The following DIP2C variants were observed in gnomAD, a reference collection of about 807,000 sequenced individuals.
The protein encoded by DIP2C is DIP2 acetate--CoA ligase C (putative), also known as disco-interacting protein 2 homolog C.
A neutral mutation model predicts 192.4 loss-of-function variants in DIP2C; 33 were observed. The ratio of observed to expected loss-of-function variants is 0.17; its 90% CI spans 0.13 to 0.23. The LOEUF is 0.23. DIP2C is among the 10% of genes least tolerant of loss of function. The pLI, the probability that DIP2C is intolerant of heterozygous loss-of-function variation, is 1.00. For missense variants in DIP2C, 1,537 were observed against 2,110.1 expected, an observed-to-expected ratio of 0.73 and a Z score of 5.32; for synonymous variants, 979 against 864.1, an observed-to-expected ratio of 1.13 and a Z score of -2.33.
chr10:387,005 A>G (rs1487879016), intron 14 of DIP2C, among the ~76,000 whole-genome samples: 1 of 152,132 alleles, frequency 6.6e-6, no homozygotes, highest in Non-Finnish European at 1.5e-5. Context: ...TACAACACAC[A>G]CAGACTGCCA....
intron 3 of DIP2C, among the ~76,000 whole-genome samples, chr10:468,372 G>T (rs964872517): frequency 1.3e-5 from 2 of 152,130 alleles, no homozygotes; most frequent in Admixed American, 6.5e-5. Context: ...GTTGCTCTGT[G>T]TTGGCTACAG....
rs908553940 is a variant in DIP2C at position 363,863 on chromosome 10, A to T, written c.2477+511T>A. Among the ~76,000 whole-genome samples, 3 of 152,206 alleles carry T rather than the reference A, an allele frequency of 2.0e-5. No individual in the cohort carries two copies. The highest frequency in any genetic ancestry group is 1.3e-4 in the Admixed American group (2 of 15,286). On this transcript the variant is annotated intron_variant, in intron 20 of 36. Coordinates refer to ENST00000280886, the MANE Select transcript of DIP2C (RefSeq NM_014974.3). This position sits in a 1 kb window ranked among gnomAD's most constrained non-coding sequence, Gnocchi z 5.4. ...TCCCATCAGCTTCCAAACTGAAAAAAGGCTCTAAAACACTTTATGACTTCC... is the reference window on the plus strand; with the variant it reads ...TCCCATCAGCTTCCAAACTGAAAAATGGCTCTAAAACACTTTATGACTTCC...
chr10:658,159 C>G (rs1201789226), intron 1 of DIP2C, among the ~76,000 whole-genome samples: 1 of 151,992 alleles, frequency 6.6e-6, no homozygotes, highest in African/African-American at 2.4e-5. Context: ...GACGCTGGAC[C>G]TGCCGCTGGA....
intron 1 of DIP2C, among the ~76,000 whole-genome samples, chr10:649,648 G>A (rs766502176): frequency 6.6e-6 from 1 of 152,238 alleles, no homozygotes; most frequent in Non-Finnish European, 1.5e-5. Flanking sequence ...ATTGGGGGAA[G>A]TCGGAAGTCA....
At chr10:331,834 A>G (rs947502399) in intron 29 of DIP2C, among the ~76,000 whole-genome samples, 3 of 152,092 alleles carry the variant, frequency 2.0e-5, no homozygotes, top group African/African-American at 7.2e-5. Flanking sequence ...TCGAATTTTT[A>G]CTCTGCTGTA....
chr10:625,276 G>T (rs1854126274), intron 1 of DIP2C, among the ~76,000 whole-genome samples: 1 of 152,180 alleles, frequency 6.6e-6, no homozygotes. Context: ...AGGGCAACGT[G>T]AAGTCCCATG....
At chr10:381,846 GCT>G in intron 17 of DIP2C, among the ~76,000 whole-genome samples, 1 of 152,290 alleles carries the variant, frequency 6.6e-6, no homozygotes, top group East Asian at 1.9e-4. Context: ...CCGTGGACAT[GCT>G]GCCCCAAGAG....
intron 1 of DIP2C, among the ~76,000 whole-genome samples, chr10:509,507 G>A (rs556929962): frequency 4.6e-5 from 7 of 152,156 alleles, no homozygotes; most frequent in Non-Finnish European, 1.0e-4. Context: ...GAGCAGAGCC[G>A]GCTTCCGCAG....
intron 3 of DIP2C, among the ~76,000 whole-genome samples, chr10:470,568 G>A (rs181600932): frequency 1.3e-5 from 2 of 152,296 alleles, no homozygotes; most frequent in East Asian, 1.9e-4. Context: ...AGAGAAGACC[G>A]TGAGACAACC....
intron 1 of DIP2C, among the ~76,000 whole-genome samples, chr10:658,259 T>C (rs1417629079): frequency 5.3e-4 from 38 of 71,792 alleles, no homozygotes; most frequent in Admixed American, 9.0e-4. Context: ...CTGGACCTGA[T>C]GCTGGACCTG....
chr10:378,964 C>T (rs888043132), intron 17 of DIP2C, among the ~76,000 whole-genome samples: 4 of 152,192 alleles, frequency 2.6e-5, no homozygotes, highest in East Asian at 1.9e-4. Context: ...TCAAAGTCTC[C>T]GACTCATGTT....
intron 1 of DIP2C, among the ~76,000 whole-genome samples, chr10:493,734 G>A (rs893546703): frequency 3.3e-5 from 5 of 152,194 alleles, no homozygotes; most frequent in African/African-American, 9.7e-5. Context: ...GATGGAGGCC[G>A]ATTATCCACC....
intron 3 of DIP2C, among the ~76,000 whole-genome samples, chr10:470,244 TG>T (rs1425673538): frequency 2.0e-5 from 3 of 152,234 alleles, no homozygotes; most frequent in African/African-American, 7.2e-5. Flanking sequence ...TGAGTCAGGA[TG>T]GGGAACGGGA....
chr10:414,866 GT>G (rs1965505679), intron 7 of DIP2C, among the ~76,000 whole-genome samples: 1 of 51,756 alleles, frequency 1.9e-5, no homozygotes, highest in African/African-American at 5.9e-5. Context: ...GTGTGTGTGT[GT>G]GTGTGTGTGT....
intron 1 of DIP2C, chr10:630,398 G>A (rs1854450164): frequency 6.6e-6 from 1 of 152,148 alleles, no homozygotes; most frequent in South Asian, 2.1e-4. Context: ...CCAAATGAAA[G>A]GTTAATTATA....
At chr10:590,570 G>T (rs1237845671) in intron 1 of DIP2C, among the ~76,000 whole-genome samples, 1 of 152,154 alleles carries the variant, frequency 6.6e-6, no homozygotes, top group East Asian at 1.9e-4. Context: ...TTCACATTTC[G>T]ATTCAACAAG....
chr10:324,748 G>A lies in DIP2C; in HGVS notation c.3924+2258C>T, dbSNP rs149582558. The A allele has an allele frequency of 8.0e-4, 275 of 345,298 alleles. 1 individual carries two copies. The highest frequency in any genetic ancestry group is 5.2e-3 in the African/African-American group (241 of 46,746). The allele number at this position is 345,298 out of a possible 1,614,324, so 21.4% of individuals were successfully genotyped here. A position where few individuals can be genotyped will look rare whatever the true frequency, so the allele number is the denominator to read the frequency against. On this transcript the variant is annotated intron_variant, in intron 31 of 36. Transcript: ENST00000280886. ...ACAGAACCGTGCTCAACACTCCCAC[G>A]GCGCACATTCATTCAATATCCACCA... is the stretch of plus-strand genomic sequence containing the variant.
chr10:360,780 G>C (rs1336104377), intron 22 of DIP2C, among the ~76,000 whole-genome samples: 1 of 152,220 alleles, frequency 6.6e-6, no homozygotes, highest in Non-Finnish European at 1.5e-5. Context: ...GGTACACAGT[G>C]CCATTAACTG....
chr10:367,708 A>G (rs968439150), intron 18 of DIP2C, among the ~76,000 whole-genome samples: 1 of 152,250 alleles, frequency 6.6e-6, no homozygotes, highest in Non-Finnish European at 1.5e-5. Flanking sequence ...GGGGGGCTCA[A>G]ATAAACTTAG....
Sources: allele counts gnomAD v4.1 joint callset (sites outside exome capture counted in the v4.1 genomes callset), GRCh38; gene constraint gnomAD v4.1.1; non-coding constraint Gnocchi (gnomAD v3.1); transcripts MANE v1.5; gene names NCBI Gene and HGNC (gene_info 2026-07-23, HGNC 2026-07-21).